Variants in PXDC1 observed in about 807,000 individuals in gnomAD.
PXDC1 encodes PX domain-containing protein 1.
A neutral mutation model predicts 24.4 loss-of-function variants in PXDC1; 13 were observed. The ratio of observed to expected loss-of-function variants is 0.53; its 90% CI spans 0.35 to 0.85. The LOEUF is 0.85. Among genes scored for constraint, PXDC1 ranks in the 40% least tolerant of loss-of-function variants. The pLI is 0.01. For missense variants in PXDC1, 344 were observed against 309.3 expected (o/e 1.11, Z -0.84); for synonymous variants, 162 against 124.9 (o/e 1.30, Z -1.98).
At chr6:3,733,459 C>T (rs760240206) in intron 3 of PXDC1, among the ~76,000 whole-genome samples, 5 of 152,126 alleles carry the variant, frequency 3.3e-5, no homozygotes, top group Admixed American at 6.5e-5. Flanking sequence ...GCCTCGCCAC[C>T]GGCAGGCACA....
At chr6:3,748,044 G>A (rs1019593875) in intron 1 of PXDC1, among the ~76,000 whole-genome samples, 5 of 152,174 alleles carry the variant, frequency 3.3e-5, no homozygotes, top group African/African-American at 1.2e-4. Context: ...AATAACAATC[G>A]AAAAAGTCTA....
In PXDC1 at chr6:3,737,955, G is replaced by C. The variant is rs908328284; in HGVS notation, c.348+102C>G. 16 of 980,748 alleles carry C rather than the reference G, an allele frequency of 1.6e-5. No individual in the cohort carries two copies. Among genetic ancestry groups the C allele is most frequent in the African/African-American group, 8.1e-5 (5 of 62,086 alleles). 60.8% of individuals were successfully genotyped at this position (980,748 alleles called of 1,614,324 possible). On this transcript the variant is annotated intron_variant, in intron 2 of 4. Coordinates refer to ENST00000380283, the MANE Select transcript of PXDC1 (RefSeq NM_183373.4). The surrounding 1 kb of genome is among the most constrained non-coding windows in gnomAD (Gnocchi z 5.5). ...GGGAACAAAACGGCTAAGTGAGACA[G>C]AGCAAGCAAGTCAACCCTCCGGGGG...
chr6:3,748,277 C>G (rs1547144), intron 1 of PXDC1, among the ~76,000 whole-genome samples: 145,151 of 152,128 alleles, frequency 0.95, 69,680 homozygotes, highest in African/African-American at 0.99. Context: ...GAAACAGCTA[C>G]CTCCCTCCCC....
chr6:3,747,043 GCAC>G (rs1375672364), intron 1 of PXDC1, among the ~76,000 whole-genome samples: 1 of 152,114 alleles, frequency 6.6e-6, no homozygotes, highest in African/African-American at 2.4e-5. Flanking sequence ...AGGTACATTA[GCAC>G]CACATGGGCT....
In PXDC1 at chr6:3,737,182, T is replaced by G. The variant is rs754845794; in HGVS notation, c.363A>C (p.Glu121Asp). ...ATCTTTCGAAGAAGGTGAGCACAAC[T>G]TCCGATCTAGAATACTGGGGAGAAA... ...ISMPCKYSRS[E>D]VVLTFFERSP... is the part of the protein sequence containing the mutation. Residue 121 changes from glutamate (E) to aspartate (D), a missense_variant, in exon 3 of 5, where the codon GAA (glutamate) becomes GAC (aspartate). Glu to Asp is a conservative substitution (Grantham distance 45). Transcript: ENST00000380283. This position sits in a 1 kb window ranked among gnomAD's most constrained non-coding sequence, Gnocchi z 5.5. 1 of 1,608,630 alleles carries G rather than the reference T, an allele frequency of 6.2e-7. No individual in the cohort carries two copies. The highest frequency in any genetic ancestry group is 1.1e-5 in the South Asian group (1 of 90,956).
At chr6:3,730,823 C>T (rs1305751430) in intron 3 of PXDC1, among the ~76,000 whole-genome samples, 2 of 152,348 alleles carry the variant, frequency 1.3e-5, no homozygotes, top group Non-Finnish European at 2.9e-5. Context: ...GCAAGCATGG[C>T]GTGTCTCAGT....
rs1486542021 is a variant in PXDC1, at chr6:3,723,534, C to T, written c.*85G>A. On this transcript the variant is annotated 3_prime_UTR_variant, in exon 5 of 5. Transcript: ENST00000380283. ...TCTGGGAGTTCCAGAGCTGGGGCAG[C>T]AGCTGTGACCATGGGGGCCAGCACA... 3 of 1,054,916 alleles carry T rather than the reference C, an allele frequency of 2.8e-6. No homozygotes were observed. The highest frequency in any genetic ancestry group is 1.3e-5 in the South Asian group (1 of 74,800). 65.3% of individuals were successfully genotyped at this position (1,054,916 alleles called of 1,614,324 possible).
intron 1 of PXDC1, chr6:3,738,799 A>G (rs1760388328): frequency 7.7e-7 from 1 of 1,302,710 alleles, no homozygotes; most frequent in Non-Finnish European, 1.0e-6. Context: ...AAAATACCAT[A>G]GCTCGAGGCA....
chr6:3,751,424 C>T lies in PXDC1; in HGVS notation c.108G>A (p.Glu36=), dbSNP rs1581256010. 1 of 1,585,752 alleles carries T rather than the reference C, an allele frequency of 6.3e-7. No individual in the cohort carries two copies. Among genetic ancestry groups the T allele is most frequent in the East Asian group, 2.3e-5 (1 of 43,374 alleles). Residue 36 remains glutamate, a synonymous_variant, in exon 1 of 5, where the codon GAG becomes GAA. Coordinates refer to ENST00000380283, the MANE Select transcript of PXDC1 (RefSeq NM_183373.4). ...RLIVSRRGDE[E]EFFEIRTEWS... ...ACTCCGTGCGGATCTCGAAGAACTC[C>T]TCTTCGTCGCCGCGCCGGCTGACGA...
chr6:3,739,591 C>T (rs1760408338), intron 1 of PXDC1, among the ~76,000 whole-genome samples: 1 of 152,236 alleles, frequency 6.6e-6, no homozygotes, highest in African/African-American at 2.4e-5. Context: ...GTGCCTACGC[C>T]CAAGCACGAT....
chr6:3,737,019 CTGTGA>C lies in PXDC1; in HGVS notation c.466+55_466+59del. ...CAGAGACAGCCAACTGTGAGGGTTT[CTGTGA>C]CATCTCAGCCTCAACAGCAGTCCCT... On this transcript the variant is annotated intron_variant, in intron 3 of 4. Coordinates refer to ENST00000380283, the MANE Select transcript of PXDC1 (RefSeq NM_183373.4). The surrounding 1 kb of genome is among the most constrained non-coding windows in gnomAD (Gnocchi z 5.5). The C allele has an allele frequency of 6.0e-6, 6 of 997,538 alleles. No homozygotes were observed. 61.8% of individuals were successfully genotyped at this position (997,538 alleles called of 1,614,324 possible).
chr6:3,726,879 C>G, intron 4 of PXDC1, among the ~76,000 whole-genome samples: 1 of 152,310 alleles, frequency 6.6e-6, no homozygotes, highest in African/African-American at 2.4e-5. Flanking sequence ...AGAATGGTCC[C>G]GTGAAGGTAA....
At chr6:3,731,722 A>G (rs1390428028) in intron 3 of PXDC1, among the ~76,000 whole-genome samples, 1 of 152,206 alleles carries the variant, frequency 6.6e-6, no homozygotes, top group Non-Finnish European at 1.5e-5. Context: ...CAGTTCCTCC[A>G]TCGTTCCTTG....
intron 1 of PXDC1, among the ~76,000 whole-genome samples, chr6:3,745,193 G>C (rs1347465790): frequency 6.6e-6 from 1 of 152,202 alleles, no homozygotes; most frequent in Non-Finnish European, 1.5e-5. Context: ...TTCTCCCAGG[G>C]TATATGGGGG....
At position 3,751,135 on chromosome 6, in the gene PXDC1, G is replaced by A. The variant is rs1760705323; in HGVS notation, c.256+141C>T. The A allele has an allele frequency of 1.6e-5, 10 of 640,470 alleles. No homozygotes were observed. In the South Asian group the frequency reaches 2.5e-4, roughly 16 times the overall value. The allele number at this position is 640,470 out of a possible 1,614,324, so 39.7% of individuals were successfully genotyped here. A position where few individuals can be genotyped will look rare whatever the true frequency, so the allele number is the denominator to read the frequency against. ...CGCCGCCCGGGCACCCCTCGTCTGC[G>A]GGCGCGGGGTCCAAGTGTCCCCTGT... On this transcript the variant is annotated intron_variant, in intron 1 of 4. Transcript: ENST00000380283.
intron 1 of PXDC1, among the ~76,000 whole-genome samples, chr6:3,741,186 GGCCAAGTGGCACTAAAACT>G (rs1561737566): frequency 6.6e-6 from 1 of 152,212 alleles, no homozygotes; most frequent in Non-Finnish European, 1.5e-5. Flanking sequence ...GAGTCTCGAG[GGCCAAGTGGCACTAAAACT>G]GCTGAGCCAC....
intron 1 of PXDC1, among the ~76,000 whole-genome samples, chr6:3,746,791 C>T (rs570497584): frequency 6.6e-6 from 1 of 152,284 alleles, no homozygotes; most frequent in East Asian, 1.9e-4. Context: ...CAGGGTAACA[C>T]AGGGCTTCTC....
At chr6:3,731,735 C>T (rs1027284940) in intron 3 of PXDC1, among the ~76,000 whole-genome samples, 16 of 152,190 alleles carry the variant, frequency 1.1e-4, no homozygotes, top group African/African-American at 3.6e-4. Flanking sequence ...GTTCCTTGTC[C>T]CTCATGACCG....
At chr6:3,751,218 T>C in intron 1 of PXDC1, 58 bp downstream of exon 1, 2 of 1,284,790 alleles carry the variant, frequency 1.6e-6, no homozygotes, top group South Asian at 3.2e-5. Flanking sequence ...CCCCGCCTCC[T>C]TCGTGCACTT....
Sources: allele counts gnomAD v4.1 joint callset (sites outside exome capture counted in the v4.1 genomes callset), GRCh38; gene constraint gnomAD v4.1.1; non-coding constraint Gnocchi (gnomAD v3.1); transcripts MANE v1.5; gene names NCBI Gene and HGNC (gene_info 2026-07-23, HGNC 2026-07-21).